The following GDAP1 variants were observed in gnomAD, a reference collection of about 807,000 sequenced individuals.
The protein encoded by GDAP1 is ganglioside induced differentiation associated protein 1.
In GDAP1, 34 loss-of-function variants were observed where a neutral mutation model predicts 40.1. The ratio of observed to expected loss-of-function variants is 0.85; its 90% confidence interval spans 0.64 to 1.13. The LOEUF is 1.13. Among genes scored for constraint, GDAP1 ranks in the 50% most tolerant of loss-of-function variants. The pLI, the probability that GDAP1 is intolerant of heterozygous loss-of-function variation, is 0.00. For synonymous variants in GDAP1, 170 were observed against 157.4 expected (o/e 1.08, Z -0.60); for missense variants, 374 against 433.7 (o/e 0.86, Z 1.22).
chr8:74,392,892 C>A (rs1399131182), intron 2 of GDAP1, among the ~76,000 whole-genome samples: 2 of 152,196 alleles, frequency 1.3e-5, no homozygotes, highest in Non-Finnish European at 2.9e-5. Flanking sequence ...AACACCCATA[C>A]TGAGTTTACA....
intron 2 of GDAP1, among the ~76,000 whole-genome samples, chr8:74,354,987 G>T (rs1405766631): frequency 1.3e-5 from 2 of 152,244 alleles, no homozygotes; most frequent in East Asian, 1.9e-4. Flanking sequence ...ATCCAGTGGG[G>T]ATTATGCGAA....
At chr8:74,463,471 A>G (rs1046065832) in intron 2 of GDAP1, among the ~76,000 whole-genome samples, 1 of 146,094 alleles carries the variant, frequency 6.8e-6, no homozygotes, top group African/African-American at 2.6e-5. Flanking sequence ...AAAAAAAAAA[A>G]CAAAAATAGT....
intron 2 of GDAP1, among the ~76,000 whole-genome samples, chr8:74,441,466 A>G (rs1008972309): frequency 7.9e-5 from 12 of 152,198 alleles, no homozygotes; most frequent in African/African-American, 2.9e-4. Flanking sequence ...TAAAATAAAA[A>G]GACTGAGTGA....
chr8:74,395,709 C>A (rs891547791), intron 2 of GDAP1, among the ~76,000 whole-genome samples: 4 of 152,130 alleles, frequency 2.6e-5, no homozygotes, highest in Admixed American at 1.3e-4. Context: ...CATCTTCAGT[C>A]AAATCTAAAT....
intron 2 of GDAP1, among the ~76,000 whole-genome samples, chr8:74,439,550 C>T (rs1469471550): frequency 1.3e-5 from 2 of 151,504 alleles, no homozygotes; most frequent in African/African-American, 4.8e-5. Context: ...ATCATTGCAA[C>T]ATTGTATTTC....
At chr8:74,451,923 C>CTTAAT (rs543598612) in intron 2 of GDAP1, among the ~76,000 whole-genome samples, 6,808 of 54,610 alleles carry the variant, frequency 0.12, 2,877 homozygotes, top group African/African-American at 0.52. Flanking sequence ...TCTTTATTTT[C>CTTAAT]TTAATTTAAT....
intron 2 of GDAP1, among the ~76,000 whole-genome samples, chr8:74,434,669 C>G (rs1806067454): frequency 6.6e-6 from 1 of 152,156 alleles, no homozygotes. Flanking sequence ...ATACCATGCC[C>G]CTTCCTTCAG....
At chr8:74,419,912 C>A (rs1805834226) in intron 2 of GDAP1, among the ~76,000 whole-genome samples, 1 of 152,118 alleles carries the variant, frequency 6.6e-6, no homozygotes, top group Non-Finnish European at 1.5e-5. Context: ...GTTGAAGAGA[C>A]CATTTTCCCC....
At chr8:74,422,352 C>CCCTTCCTTCCTTCCTTCCTT (rs56384829) in intron 2 of GDAP1, among the ~76,000 whole-genome samples, 2 of 34,222 alleles carry the variant, frequency 5.8e-5, no homozygotes, top group African/African-American at 1.0e-4. Flanking sequence ...TTTCTTTCTT[C>CCCTTCCTTCCTTCCTTCCTT]CCTTCCTTCC....
At chr8:74,373,186 A>G (rs1253930661) in intron 2 of GDAP1, among the ~76,000 whole-genome samples, 1 of 152,186 alleles carries the variant, frequency 6.6e-6, no homozygotes, top group Non-Finnish European at 1.5e-5. Context: ...GAAGTCAGGT[A>G]GCATGATGCC....
chr8:74,471,926 A>AAATT (rs1327204382), intron 2 of GDAP1, among the ~76,000 whole-genome samples: 1 of 152,142 alleles, frequency 6.6e-6, no homozygotes, highest in Non-Finnish European at 1.5e-5. Context: ...TCACTTAATT[A>AAATT]AATTAATTAA....
In GDAP1 at chr8:74,366,302, A is replaced by G. The variant is rs1173814081; in HGVS notation, c.*1935A>G. ...GACCACTAGATGTCGCTGTTTATCC[A>G]GTAGACTAAGATTGAGTGTTCTTTT... is the stretch of plus-strand genomic sequence containing the variant. On this transcript the variant is annotated 3_prime_UTR_variant, in exon 6 of 6. Transcript: ENST00000220822. 4.4e-6 allele frequency: 2 copies of G among 454,494 alleles called. No homozygotes were observed. The highest frequency in any genetic ancestry group is 4.7e-5 in the Admixed American group (2 of 42,562). The allele number at this position is 454,494 out of a possible 1,614,324, so 28.2% of individuals were successfully genotyped here.
At chr8:74,481,616 T>A (rs1175403969) in intron 2 of GDAP1, among the ~76,000 whole-genome samples, 2 of 152,212 alleles carry the variant, frequency 1.3e-5, no homozygotes, top group African/African-American at 4.8e-5. Flanking sequence ...CCCTTTCTAA[T>A]AAGTTGTTCA....
chr8:74,454,110 G>A (rs1806311534), intron 2 of GDAP1, among the ~76,000 whole-genome samples: 1 of 83,678 alleles, frequency 1.2e-5, no homozygotes, highest in Admixed American at 1.2e-4. Flanking sequence ...TTTAACAAAT[G>A]TCTAGTGAGT....
intron 2 of GDAP1, among the ~76,000 whole-genome samples, chr8:74,456,819 A>G (rs758683017): frequency 6.6e-6 from 1 of 152,016 alleles, no homozygotes; most frequent in Admixed American, 6.6e-5. Context: ...TATGCTTAAG[A>G]TGGGGGTTTG....
At chr8:74,422,344 TCTTTCTTCC>T (rs1805881818) in intron 2 of GDAP1, among the ~76,000 whole-genome samples, 1 of 49,402 alleles carries the variant, frequency 2.0e-5, no homozygotes, top group Non-Finnish European at 3.8e-5. Context: ...TTTCTTTCTT[TCTTTCTTCC>T]CTTCCTTCCT....
downstream of GDAP1, among the ~76,000 whole-genome samples, chr8:74,368,813 C>A (rs999140984): frequency 1.6e-4 from 24 of 152,212 alleles, no homozygotes; most frequent in African/African-American, 5.8e-4. Context: ...TGGAGCTATC[C>A]TGTGTGTTGT....
chr8:74,437,065 A>G (rs1046971495), intron 2 of GDAP1, among the ~76,000 whole-genome samples: 21 of 152,348 alleles, frequency 1.4e-4, no homozygotes, highest in Middle Eastern at 3.4e-3. Context: ...AATAATGGCT[A>G]CAAACACAGA....
intron 2 of GDAP1, among the ~76,000 whole-genome samples, chr8:74,377,064 C>T (rs1809866831): frequency 6.6e-6 from 1 of 152,144 alleles, no homozygotes; most frequent in African/African-American, 2.4e-5. Flanking sequence ...ACTTTGATAT[C>T]TGTCATGGAC....
Sources: allele counts gnomAD v4.1 joint callset (sites outside exome capture counted in the v4.1 genomes callset), GRCh38; gene constraint gnomAD v4.1.1; transcripts MANE v1.5; gene names NCBI Gene and HGNC (gene_info 2026-07-23, HGNC 2026-07-21).